Variants in RFC1 observed in about 807,000 individuals in gnomAD.
The protein encoded by RFC1 is A1 140 kDa subunit.
RFC1 carries 37 observed loss-of-function variants against 137.4 expected under a neutral mutation model. That is an observed-to-expected ratio of 0.27 (90% CI 0.21 to 0.35). The LOEUF (loss-of-function observed/expected upper bound fraction) is 0.35, where lower values mean the gene tolerates loss of function less well. RFC1 is among the 10% of genes least tolerant of loss of function. The pLI, the probability that RFC1 is intolerant of heterozygous loss-of-function variation, is 1.00. For synonymous variants in RFC1, 429 were observed against 455.7 expected (o/e 0.94, Z 0.75); for missense variants, 1,205 against 1,358.5 (o/e 0.89, Z 1.78).
chr4:39,321,154 T>C, intron 8 of RFC1, 133 bp downstream of exon 8: 1 of 672,684 alleles, frequency 1.5e-6, no homozygotes, highest in Non-Finnish European at 2.4e-6. Context: ...AAGTTCAATA[T>C]GCTCTAATAG....
intron 6 of RFC1, among the ~76,000 whole-genome samples, chr4:39,326,257 AG>A (rs1739758425): frequency 1.3e-5 from 2 of 152,344 alleles, no homozygotes; most frequent in African/African-American, 4.8e-5. Flanking sequence ...TAAATTCCAA[AG>A]TCCTTATAAT....
intron 6 of RFC1, among the ~76,000 whole-genome samples, 159 bp from the exon 7 acceptor site, chr4:39,323,576 A>T (rs965063946): frequency 1.3e-5 from 2 of 152,262 alleles, no homozygotes; most frequent in Non-Finnish European, 2.9e-5. Flanking sequence ...GAAGTATCAC[A>T]GGTTTGTTTC....
At chr4:39,316,860 T>C (rs1739262903) in intron 10 of RFC1, 55 bp downstream of exon 10, 3 of 1,029,840 alleles carry the variant, frequency 2.9e-6, no homozygotes, top group Admixed American at 1.8e-5. Context: ...AATACATACA[T>C]GGACCCATAC....
chr4:39,313,555 C>T (rs1739075780), intron 10 of RFC1, among the ~76,000 whole-genome samples: 1 of 152,140 alleles, frequency 6.6e-6, no homozygotes, highest in South Asian at 2.1e-4. Context: ...GGAGTTTTGC[C>T]CGAACTCATG....
intron 4 of RFC1, among the ~76,000 whole-genome samples, chr4:39,331,648 AT>A: frequency 6.6e-6 from 1 of 152,368 alleles, no homozygotes; most frequent in East Asian, 1.9e-4. Context: ...AATAAAAATT[AT>A]AAAAAATATC....
chr4:39,336,224 G>A (rs1354803393), intron 4 of RFC1, among the ~76,000 whole-genome samples: 1 of 152,172 alleles, frequency 6.6e-6, no homozygotes, highest in African/African-American at 2.4e-5. Context: ...AGATAAAATT[G>A]CTAAAGCACT....
intron 3 of RFC1, among the ~76,000 whole-genome samples, chr4:39,344,047 G>A (rs773645707): frequency 6.7e-6 from 1 of 149,664 alleles, no homozygotes; most frequent in Non-Finnish European, 1.5e-5. Context: ...CCAGGAGACA[G>A]AGGTTACACT....
At chr4:39,332,025 A>C (rs1235413541) in intron 4 of RFC1, among the ~76,000 whole-genome samples, 2 of 152,172 alleles carry the variant, frequency 1.3e-5, no homozygotes, top group African/African-American at 4.8e-5. Flanking sequence ...GGTTCTATAA[A>C]GGGCAGTTTC....
At chr4:39,341,211 A>G (rs1740588502) in intron 4 of RFC1, among the ~76,000 whole-genome samples, 1 of 152,252 alleles carries the variant, frequency 6.6e-6, no homozygotes, top group African/African-American at 2.4e-5. Flanking sequence ...GACGTTTTTC[A>G]GGGTGTCACT....
At chr4:39,312,674 A>T in intron 11 of RFC1, 78 bp downstream of exon 11, 2 of 1,243,218 alleles carry the variant, frequency 1.6e-6, no homozygotes, top group Non-Finnish European at 1.1e-6. Flanking sequence ...TTTAACTCTG[A>T]GTAAAGGGCA....
At chr4:39,313,742 T>G (rs952125905) in intron 10 of RFC1, among the ~76,000 whole-genome samples, 2 of 152,316 alleles carry the variant, frequency 1.3e-5, no homozygotes, top group Middle Eastern at 3.4e-3. Context: ...AAGTTTTGAT[T>G]CTAAAAAGCT....
intron 22 of RFC1, among the ~76,000 whole-genome samples, chr4:39,294,569 C>T (rs1445225630): frequency 6.6e-6 from 1 of 151,834 alleles, no homozygotes; most frequent in Admixed American, 6.6e-5. Flanking sequence ...ACTCAAGAGG[C>T]TGAGGCAGAA....
At chr4:39,334,735 T>C (rs973360222) in intron 4 of RFC1, among the ~76,000 whole-genome samples, 1 of 152,210 alleles carries the variant, frequency 6.6e-6, no homozygotes, top group East Asian at 1.9e-4. Flanking sequence ...ATTGAACACT[T>C]AGATTTTCCC....
At chr4:39,358,581 G>C (rs932041412) in intron 1 of RFC1, among the ~76,000 whole-genome samples, 2 of 152,182 alleles carry the variant, frequency 1.3e-5, no homozygotes, top group African/African-American at 4.8e-5. Context: ...TTATATGCTA[G>C]TGAAGGAAGT....
chr4:39,312,298 C>T (rs1738996631), intron 11 of RFC1, among the ~76,000 whole-genome samples: 1 of 152,166 alleles, frequency 6.6e-6, no homozygotes, highest in Admixed American at 6.5e-5. Flanking sequence ...CTCCAGAATT[C>T]TTGTGAGAAA....
chr4:39,356,844 T>C (rs1741503651), intron 1 of RFC1, among the ~76,000 whole-genome samples: 3 of 152,216 alleles, frequency 2.0e-5, no homozygotes. Context: ...CAGTCTAGCA[T>C]GGGTCTCAAA....
At chr4:39,327,843 T>C in intron 4 of RFC1, 87 bp from the exon 5 acceptor site, 1 of 1,011,774 alleles carries the variant, frequency 9.9e-7, no homozygotes, top group East Asian at 2.6e-5. Flanking sequence ...ATAAAAAGTA[T>C]ACAAGAGGCT....
chr4:39,311,482 C>T lies in RFC1; in HGVS notation c.1451G>A (p.Gly484Asp), dbSNP rs541798977. ...GLLNLIRTMP[G>D]KKSKYEIAVE... ...TGCTATTTCATACTTGGATTTCTTG[C>T]CTGGCATAGTCCGAATCAGATTCAA... The change falls in exon 12 of 25, where the codon GGC becomes GAC. Residue 484 changes from glycine to aspartate, a missense_variant. Coordinates refer to ENST00000349703, the MANE Select transcript of RFC1 (RefSeq NM_002913.5). 23 of 1,613,896 alleles carry T rather than the reference C, an allele frequency of 1.4e-5. No individual in the cohort carries two copies. The highest frequency in any genetic ancestry group is 1.9e-5 in the Non-Finnish European group (22 of 1,179,968).
chr4:39,348,424 A>AAAAAGAAAGAAAAG (rs1740977545), intron 2 of RFC1, among the ~76,000 whole-genome samples: 1 of 71,780 alleles, frequency 1.4e-5, no homozygotes, highest in Non-Finnish European at 3.0e-5. Flanking sequence ...CTCTGTTTCA[A>AAAAAGAAAGAAAAG]AAAAGAAAAG....
Sources: gnomAD v4.1 joint callset for allele counts (sites outside exome capture counted in the v4.1 genomes callset) on GRCh38, gnomAD v4.1.1 for gene constraint, MANE v1.5 for transcripts, NCBI Gene and HGNC (gene_info 2026-07-23, HGNC 2026-07-21) for gene names.